VPS53: variants seen among roughly 807,000 people sequenced by gnomAD.
The protein encoded by VPS53 is VPS53 subunit of GARP complex, also known as vacuolar protein sorting-associated protein 53 homolog.
Under a neutral mutation model 107.0 loss-of-function variants are expected in VPS53, and 70 were observed. The ratio of observed to expected loss-of-function variants is 0.65; its 90% CI spans 0.54 to 0.80. The LOEUF (loss-of-function observed/expected upper bound fraction) is 0.80, where lower values mean the gene tolerates loss of function less well. Among genes scored for constraint, VPS53 ranks in the 30% least tolerant of loss-of-function variants. The probability of loss-of-function intolerance (pLI) is 0.00; values close to 1 mark genes in which losing one functional copy is unlikely to be tolerated. For synonymous variants in VPS53, 409 were observed against 393.3 expected, an observed-to-expected ratio of 1.04 and a Z score of -0.47; for missense variants, 917 against 1,049.4, an observed-to-expected ratio of 0.87 and a Z score of 1.74.
chr17:600,635 C>T (rs1279330826), intron 12 of VPS53, among the ~76,000 whole-genome samples: 1 of 152,162 alleles, frequency 6.6e-6, no homozygotes, highest in Non-Finnish European at 1.5e-5. Flanking sequence ...TCTATGTCCT[C>T]TACTCTTCAA....
At chr17:669,993 A>C (rs1341574660) in intron 4 of VPS53, among the ~76,000 whole-genome samples, 1 of 152,204 alleles carries the variant, frequency 6.6e-6, no homozygotes, top group Non-Finnish European at 1.5e-5. Flanking sequence ...AATCACTCCC[A>C]AAAATGTCTG....
At chr17:555,745 ACG>A (rs1912285372) in intron 15 of VPS53, among the ~76,000 whole-genome samples, 1 of 152,274 alleles carries the variant, frequency 6.6e-6, no homozygotes, top group African/African-American at 2.4e-5. Context: ...TTGATGACAG[ACG>A]TACAAAACAT....
At chr17:577,455 T>A (rs749042490) in intron 13 of VPS53, among the ~76,000 whole-genome samples, 2 of 143,956 alleles carry the variant, frequency 1.4e-5, no homozygotes, top group Non-Finnish European at 3.0e-5. Flanking sequence ...CCCAACAGAA[T>A]CTCAGTGCAT....
In VPS53 at chr17:653,508, T is replaced by A. The variant is rs994629004; in HGVS notation, c.489-98A>T. 6.4e-6 allele frequency: 10 copies of A among 1,557,504 alleles called. No individual in the cohort carries two copies. In the Admixed American group the frequency reaches 1.1e-4, roughly 17 times the overall value. On this transcript the variant is annotated intron_variant, in intron 6 of 21. Transcript: ENST00000437048. ...CGCTAGCTCTCAAACAGATATCAAC[T>A]CAGCTGAATCAACGTTCGCTGAGCA...
chr17:704,289 G>A (rs1293913120), intron 2 of VPS53, among the ~76,000 whole-genome samples: 2 of 152,116 alleles, frequency 1.3e-5, no homozygotes, highest in African/African-American at 4.8e-5. Context: ...GGGTGAAATA[G>A]TAAGAGGCAT....
intron 4 of VPS53, among the ~76,000 whole-genome samples, chr17:676,959 G>A (rs1171171122): frequency 3.3e-5 from 5 of 151,832 alleles, no homozygotes; most frequent in Non-Finnish European, 7.4e-5. Context: ...AGACAAAACA[G>A]AACGCTTGTG....
At chr17:632,156 A>G (rs935601550) in intron 7 of VPS53, among the ~76,000 whole-genome samples, 19 of 152,112 alleles carry the variant, frequency 1.2e-4, no homozygotes, top group African/African-American at 4.3e-4. Flanking sequence ...CTGCGGCGGG[A>G]GGATCTCTTG....
intron 11 of VPS53, among the ~76,000 whole-genome samples, chr17:608,276 C>T (rs1469145355): frequency 1.3e-5 from 2 of 152,138 alleles, no homozygotes; most frequent in Non-Finnish European, 2.9e-5. Flanking sequence ...AAGTGCCTTC[C>T]CGATCCAATT....
intron 11 of VPS53, among the ~76,000 whole-genome samples, chr17:602,964 T>C (rs73277168): frequency 0.011 from 1,683 of 152,164 alleles, 27 homozygotes; most frequent in African/African-American, 0.034. Flanking sequence ...AGACGAGAAG[T>C]TAATGGAGAG....
chr17:635,003 T>G (rs1324563777), intron 7 of VPS53, among the ~76,000 whole-genome samples: 1 of 152,172 alleles, frequency 6.6e-6, no homozygotes. Context: ...CTAGTTTACA[T>G]TACCACCAAC....
At chr17:602,126 C>T (rs568518127) in intron 11 of VPS53, among the ~76,000 whole-genome samples, 3 of 152,226 alleles carry the variant, frequency 2.0e-5, no homozygotes, top group Non-Finnish European at 4.4e-5. Flanking sequence ...CTAAAACGCT[C>T]ACGCATCCTC....
chr17:611,916 A>G (rs2143013488), intron 11 of VPS53, among the ~76,000 whole-genome samples: 1 of 152,358 alleles, frequency 6.6e-6, no homozygotes, highest in South Asian at 2.1e-4. Flanking sequence ...GTATTCACAT[A>G]GTGAGTTCAC....
intron 15 of VPS53, among the ~76,000 whole-genome samples, chr17:559,370 A>G (rs1912735057): frequency 6.6e-6 from 1 of 152,190 alleles, no homozygotes; most frequent in Non-Finnish European, 1.5e-5. Flanking sequence ...AAATAGTTAA[A>G]CAGTGTTTCT....
At chr17:569,507 T>C (rs1455064625) in intron 13 of VPS53, among the ~76,000 whole-genome samples, 1 of 152,114 alleles carries the variant, frequency 6.6e-6, no homozygotes, top group Non-Finnish European at 1.5e-5. Context: ...TACAACCTAC[T>C]GAATAAAATA....
intron 15 of VPS53, among the ~76,000 whole-genome samples, chr17:555,304 C>T (rs1289010539): frequency 6.6e-6 from 1 of 152,178 alleles, no homozygotes; most frequent in Non-Finnish European, 1.5e-5. Flanking sequence ...TATTCCTCTC[C>T]CTGAAACATG....
intron 13 of VPS53, among the ~76,000 whole-genome samples, chr17:574,705 C>T (rs1371866045): frequency 2.6e-5 from 4 of 152,154 alleles, no homozygotes; most frequent in African/African-American, 9.7e-5. Flanking sequence ...GTTGAGGCTA[C>T]AGTGAGTCCT....
chr17:660,461 A>G lies in VPS53; in HGVS notation c.372+1348T>C, dbSNP rs564795444. Among the ~76,000 whole-genome samples, 21 of 152,346 alleles carry G rather than the reference A, an allele frequency of 1.4e-4. No individual in the cohort carries two copies. In the South Asian group the frequency reaches 3.7e-3, roughly 27 times the overall value. ...AAAATAAGACATCTCATAACTTGGGAGTAAACTGTCACTGCAAACCCCCTC... is the reference window on the plus strand; with the variant it reads ...AAAATAAGACATCTCATAACTTGGGGGTAAACTGTCACTGCAAACCCCCTC... On this transcript the variant is annotated intron_variant, in intron 5 of 21. Coordinates refer to ENST00000437048, the MANE Select transcript of VPS53 (RefSeq NM_001128159.3).
At chr17:539,173 T>G (rs1490925802) in intron 17 of VPS53, 1 of 152,196 alleles carries the variant, frequency 6.6e-6, no homozygotes, top group Non-Finnish European at 1.5e-5. Flanking sequence ...AAACGGTTTA[T>G]CAACAATAAT....
At chr17:588,176 G>A (rs1967429199) in intron 12 of VPS53, among the ~76,000 whole-genome samples, 1 of 152,178 alleles carries the variant, frequency 6.6e-6, no homozygotes, top group South Asian at 2.1e-4. Context: ...AAATTAGCAG[G>A]TTGTGGTGGT....
Sources: gnomAD v4.1 joint callset for allele counts (sites outside exome capture counted in the v4.1 genomes callset) on GRCh38, gnomAD v4.1.1 for gene constraint, MANE v1.5 for transcripts, NCBI Gene and HGNC (gene_info 2026-07-23, HGNC 2026-07-21) for gene names.